MOB3B: variants seen among roughly 807,000 people sequenced by gnomAD.
MOB3B encodes the protein MOB kinase activator 3B.
In MOB3B, 7 loss-of-function variants were observed where a neutral mutation model predicts 18.7. That is an observed-to-expected ratio of 0.37 (90% CI 0.21 to 0.70). The LOEUF (loss-of-function observed/expected upper bound fraction) is 0.70, where lower values mean the gene tolerates loss of function less well. MOB3B is among the 30% of genes least tolerant of loss of function. The pLI, the probability that MOB3B is intolerant of heterozygous loss-of-function variation, is 0.52. For synonymous variants in MOB3B, 111 were observed against 99.9 expected, an observed-to-expected ratio of 1.11 and a Z score of -0.66; for missense variants, 253 against 281.3, an observed-to-expected ratio of 0.90 and a Z score of 0.72.
chr9:27,443,924 T>C (rs1335271256), intron 2 of MOB3B, among the ~76,000 whole-genome samples: 1 of 152,142 alleles, frequency 6.6e-6, no homozygotes, highest in African/African-American at 2.4e-5. Context: ...GAATGGCATA[T>C]GTATGATACA....
At chr9:27,519,124 G>A (rs867803471) in intron 1 of MOB3B, among the ~76,000 whole-genome samples, 4 of 152,076 alleles carry the variant, frequency 2.6e-5, no homozygotes, top group African/African-American at 9.7e-5. Context: ...AATTTTCCCC[G>A]ACATCTGACT....
At chr9:27,488,710 G>A (rs946045333) in intron 1 of MOB3B, among the ~76,000 whole-genome samples, 9 of 152,026 alleles carry the variant, frequency 5.9e-5, no homozygotes, top group African/African-American at 2.2e-4. Context: ...GCCCTGCCTG[G>A]TGTCACATCT....
intron 1 of MOB3B, among the ~76,000 whole-genome samples, chr9:27,523,049 A>T (rs890027056): frequency 2.0e-5 from 3 of 152,184 alleles, no homozygotes; most frequent in African/African-American, 7.2e-5. Context: ...CTTTTCAATC[A>T]AAGTCTGCCA....
chr9:27,377,824 CAGAG>C (rs1287666759), intron 2 of MOB3B, among the ~76,000 whole-genome samples: 1 of 152,210 alleles, frequency 6.6e-6, no homozygotes, highest in Non-Finnish European at 1.5e-5. Flanking sequence ...AGGTTTGCCC[CAGAG>C]TAACACTGGC....
chr9:27,332,951 G>T (rs1255949621), intron 3 of MOB3B, among the ~76,000 whole-genome samples: 1 of 152,152 alleles, frequency 6.6e-6, no homozygotes, highest in Non-Finnish European at 1.5e-5. Context: ...TATATTAATT[G>T]ACATATATAA....
intron 3 of MOB3B, among the ~76,000 whole-genome samples, chr9:27,342,714 T>C (rs545165018): frequency 1.0e-3 from 153 of 152,274 alleles, no homozygotes; most frequent in Admixed American, 8.4e-3. Context: ...GTGATCTGCC[T>C]GCCTCGGCCT....
intron 2 of MOB3B, among the ~76,000 whole-genome samples, chr9:27,379,156 T>C (rs1234443527): frequency 6.6e-6 from 1 of 152,178 alleles, no homozygotes; most frequent in Non-Finnish European, 1.5e-5. Context: ...CAAGGGAAGA[T>C]GGTTTTCATC....
intron 2 of MOB3B, among the ~76,000 whole-genome samples, chr9:27,419,395 A>T (rs1391864259): frequency 1.3e-5 from 2 of 152,208 alleles, no homozygotes; most frequent in Non-Finnish European, 2.9e-5. Flanking sequence ...ACACTACCTG[A>T]TTTTAAACTA....
At chr9:27,513,911 GGATGGATGGATGGAT>G (rs891112171) in intron 1 of MOB3B, among the ~76,000 whole-genome samples, 4 of 308 alleles carry the variant, frequency 0.013, no homozygotes, top group African/African-American at 0.026. Context: ...ATGGATGGAT[GGATGGATGGATGGAT>G]GGTGGGTGGG....
intron 1 of MOB3B, among the ~76,000 whole-genome samples, chr9:27,510,179 A>G (rs1820122295): frequency 6.6e-6 from 1 of 152,246 alleles, no homozygotes; most frequent in Admixed American, 6.5e-5. Flanking sequence ...AGAAAAAGAG[A>G]AAGGGGGAAG....
rs141580990 is a variant in MOB3B, at chr9:27,427,550, G to A, written c.418+27583C>T. ...TCTGGGATAAGTAGGTACATAGAAG[G>A]CACTAATAAATCTCAGATTTTCTAA... On this transcript the variant is annotated intron_variant, in intron 2 of 3. Coordinates refer to ENST00000262244, the MANE Select transcript of MOB3B (RefSeq NM_024761.5). Among the ~76,000 whole-genome samples the A allele has an allele frequency of 6.2e-3, 948 of 152,246 alleles. 7 individuals are homozygous for A. Among genetic ancestry groups the A allele is most frequent in the Non-Finnish European group, 9.4e-3 (639 of 68,018 alleles).
At chr9:27,355,956 G>A (rs1370719513) in intron 3 of MOB3B, among the ~76,000 whole-genome samples, 1 of 152,144 alleles carries the variant, frequency 6.6e-6, no homozygotes, top group Non-Finnish European at 1.5e-5. Flanking sequence ...AACAGTATTA[G>A]CAGTTAGGCA....
Position 27,529,543 on chromosome 9 carries a change from G to A in MOB3B, c.-199+12C>T. ...CGCCGCCTCCCCTAGCTTGGAGCGG[G>A]TTCTTACTCACCGTGGGGTTTTACC... is the stretch of plus-strand genomic sequence containing the variant. On this transcript the variant is annotated intron_variant, in intron 1 of 3. Transcript: ENST00000262244. The A allele has an allele frequency of 1.0e-6, 1 of 985,268 alleles. No individual in the cohort carries two copies. Among genetic ancestry groups the A allele is most frequent in the Non-Finnish European group, 1.2e-6 (1 of 829,786 alleles). The allele number at this position is 985,268 out of a possible 1,614,324, so 61.0% of individuals were successfully genotyped here.
intron 1 of MOB3B, among the ~76,000 whole-genome samples, chr9:27,517,333 T>C (rs1040644431): frequency 1.3e-5 from 2 of 152,080 alleles, no homozygotes; most frequent in Non-Finnish European, 2.9e-5. Flanking sequence ...ACATTCTATA[T>C]TTACACAGTT....
At chr9:27,507,720 G>C (rs1303473027) in intron 1 of MOB3B, among the ~76,000 whole-genome samples, 2 of 152,176 alleles carry the variant, frequency 1.3e-5, no homozygotes, top group African/African-American at 4.8e-5. Flanking sequence ...AGAATCTCTA[G>C]GAGTCAGTTA....
chr9:27,398,649 C>A (rs1821834348), intron 2 of MOB3B, among the ~76,000 whole-genome samples: 3 of 152,148 alleles, frequency 2.0e-5, no homozygotes, highest in Non-Finnish European at 4.4e-5. Context: ...GTGCATGTAC[C>A]ACCTACCAGA....
chr9:27,443,555 C>T (rs1312555168), intron 2 of MOB3B, among the ~76,000 whole-genome samples: 2 of 152,176 alleles, frequency 1.3e-5, no homozygotes, highest in Non-Finnish European at 2.9e-5. Context: ...TTGCCATCTT[C>T]CCTTTATGAT....
chr9:27,332,432 A>G (rs1329490749), intron 3 of MOB3B, among the ~76,000 whole-genome samples: 1 of 152,232 alleles, frequency 6.6e-6, no homozygotes, highest in Non-Finnish European at 1.5e-5. Context: ...TTTTAGCTTT[A>G]TAACTTAATT....
intron 1 of MOB3B, among the ~76,000 whole-genome samples, chr9:27,528,610 G>A (rs1248080806): frequency 6.6e-6 from 1 of 152,242 alleles, no homozygotes; most frequent in African/African-American, 2.4e-5. Context: ...TGGGGGCCGG[G>A]GAGGGGGACC....
Sources: gnomAD v4.1 joint callset for allele counts (sites outside exome capture counted in the v4.1 genomes callset) on GRCh38, gnomAD v4.1.1 for gene constraint, MANE v1.5 for transcripts, NCBI Gene and HGNC (gene_info 2026-07-23, HGNC 2026-07-21) for gene names.